Variants in STXBP5L observed in about 807,000 individuals in gnomAD.
STXBP5L encodes syntaxin binding protein 5L, also known as syntaxin-binding protein 5-like.
Under a neutral mutation model 144.5 loss-of-function variants are expected in STXBP5L, and 65 were observed. The ratio of observed to expected loss-of-function variants is 0.45; its 90% CI spans 0.37 to 0.55. The LOEUF (loss-of-function observed/expected upper bound fraction) is 0.55, where lower values mean the gene tolerates loss of function less well. Ranked by LOEUF, STXBP5L falls within the 20% of genes least tolerant of loss-of-function variation. The pLI is 0.00. For synonymous variants in STXBP5L, 505 were observed against 469.6 expected, an observed-to-expected ratio of 1.08 and a Z score of -0.97; for missense variants, 1,298 against 1,405.5, an observed-to-expected ratio of 0.92 and a Z score of 1.22.
intron 19 of STXBP5L, among the ~76,000 whole-genome samples, chr3:121,304,257 T>C (rs1012879447): frequency 6.6e-6 from 1 of 152,114 alleles, no homozygotes; most frequent in African/African-American, 2.4e-5. Flanking sequence ...CTGTCAAAAC[T>C]AGAAATAGAC....
chr3:121,388,640 A>C (rs1488321959), intron 22 of STXBP5L, among the ~76,000 whole-genome samples: 1 of 152,134 alleles, frequency 6.6e-6, no homozygotes, highest in African/African-American at 2.4e-5. Context: ...TTCTGCATCT[A>C]TTGAGATAAC....
intron 3 of STXBP5L, among the ~76,000 whole-genome samples, chr3:121,004,592 A>G (rs892115521): frequency 1.2e-4 from 19 of 152,072 alleles, no homozygotes; most frequent in Non-Finnish European, 2.5e-4. Context: ...ACTATGTTGA[A>G]TAGGAGTGGT....
At chr3:121,305,476 A>G (rs1311973892) in intron 19 of STXBP5L, among the ~76,000 whole-genome samples, 1 of 152,164 alleles carries the variant, frequency 6.6e-6, no homozygotes, top group East Asian at 1.9e-4. Flanking sequence ...ACCAAGGTGG[A>G]TTTATCCCAG....
Position 121,156,560 on chromosome 3 carries a change from C to T in STXBP5L, c.754-944C>T, listed in dbSNP as rs561084972. Among the ~76,000 whole-genome samples, 31 of 151,936 alleles carry T rather than the reference C, an allele frequency of 2.0e-4. No individual in the cohort carries two copies. In the South Asian group the frequency reaches 4.2e-3, roughly 20 times the overall value. On this transcript the variant is annotated intron_variant, in intron 8 of 26. Transcript: ENST00000471454. ...ATGCATATGACATTAATTACTAATT[C>T]AGTCAACAGATATTTATTGAGTACT...
chr3:121,096,596 C>T (rs1394785913), intron 5 of STXBP5L, among the ~76,000 whole-genome samples: 6 of 152,114 alleles, frequency 3.9e-5, no homozygotes, highest in Admixed American at 3.9e-4. Flanking sequence ...AGTCAGGCCC[C>T]TCTGCTGCAG....
At chr3:121,078,695 C>T (rs1211309500) in intron 5 of STXBP5L, among the ~76,000 whole-genome samples, 1 of 152,192 alleles carries the variant, frequency 6.6e-6, no homozygotes, top group Non-Finnish European at 1.5e-5. Flanking sequence ...CTGAGCCCTG[C>T]CCCACAGGGA....
At chr3:120,930,093 C>CTAT (rs1175885302) in intron 2 of STXBP5L, among the ~76,000 whole-genome samples, 4 of 150,196 alleles carry the variant, frequency 2.7e-5, no homozygotes, top group Non-Finnish European at 5.9e-5. Context: ...ATTGTCAAAT[C>CTAT]TATTGACTTA....
At chr3:120,964,949 G>A (rs1320942940) in intron 3 of STXBP5L, among the ~76,000 whole-genome samples, 1 of 152,148 alleles carries the variant, frequency 6.6e-6, no homozygotes, top group African/African-American at 2.4e-5. Context: ...ATGAATCTGG[G>A]TGCTCCTGTT....
chr3:121,320,058 C>T (rs1332034260), intron 20 of STXBP5L, among the ~76,000 whole-genome samples: 2 of 152,148 alleles, frequency 1.3e-5, no homozygotes, highest in South Asian at 2.1e-4. Context: ...TGTCAGTTCA[C>T]ACACAAACAT....
intron 3 of STXBP5L, among the ~76,000 whole-genome samples, chr3:121,006,364 A>G (rs994536378): frequency 6.6e-6 from 1 of 152,020 alleles, no homozygotes; most frequent in Non-Finnish European, 1.5e-5. Context: ...ATCAGAGACT[A>G]GGATTGCAAT....
At chr3:121,132,555 CTG>C (rs2045043286) in intron 7 of STXBP5L, among the ~76,000 whole-genome samples, 4 of 152,250 alleles carry the variant, frequency 2.6e-5, no homozygotes, top group African/African-American at 9.6e-5. Flanking sequence ...TTCAGGAAGA[CTG>C]AGAGAGATGC....
intron 7 of STXBP5L, among the ~76,000 whole-genome samples, chr3:121,151,653 A>T (rs949626300): frequency 6.6e-6 from 1 of 152,170 alleles, no homozygotes; most frequent in African/African-American, 2.4e-5. Flanking sequence ...GAAGAAAATC[A>T]TCTTAAGGCA....
At chr3:120,932,039 G>A (rs183610693) in intron 2 of STXBP5L, among the ~76,000 whole-genome samples, 5 of 152,186 alleles carry the variant, frequency 3.3e-5, no homozygotes, top group African/African-American at 1.2e-4. Flanking sequence ...ATTGCTCCTG[G>A]GTTATAAACC....
At chr3:121,294,607 G>A (rs11716725) in intron 19 of STXBP5L, among the ~76,000 whole-genome samples, 19,969 of 151,402 alleles carry the variant, frequency 0.13, 1,729 homozygotes, top group Non-Finnish European at 0.2. Context: ...GAAGGAGGAA[G>A]CATAGAAGGA....
intron 9 of STXBP5L, among the ~76,000 whole-genome samples, chr3:121,169,636 AG>A (rs1227008555): frequency 6.6e-6 from 1 of 152,240 alleles, no homozygotes; most frequent in Non-Finnish European, 1.5e-5. Context: ...CAATGCAACA[AG>A]AAGAGCTAAC....
At chr3:121,096,002 G>A (rs771757440) in intron 5 of STXBP5L, among the ~76,000 whole-genome samples, 36 of 151,914 alleles carry the variant, frequency 2.4e-4, no homozygotes, top group Non-Finnish European at 3.7e-4. Context: ...GTCTGTCACC[G>A]CTTCTCTGGG....
At chr3:121,157,852 T>A in intron 9 of STXBP5L, 1 of 501,294 alleles carries the variant, frequency 2.0e-6, no homozygotes, top group South Asian at 2.8e-5. Context: ...GCTGTAGTTA[T>A]GTACTGTCCC....
At chr3:121,282,582 C>T (rs2051097294) in intron 19 of STXBP5L, among the ~76,000 whole-genome samples, 2 of 151,954 alleles carry the variant, frequency 1.3e-5, no homozygotes, top group South Asian at 4.1e-4. Context: ...ACCATGCAGA[C>T]CATGTCCTAC....
intron 5 of STXBP5L, among the ~76,000 whole-genome samples, chr3:121,069,740 A>G (rs2041718932): frequency 6.6e-6 from 1 of 152,190 alleles, no homozygotes; most frequent in South Asian, 2.1e-4. Context: ...TACATTTAAA[A>G]TTATAACTCA....
Sources: allele counts gnomAD v4.1 joint callset (sites outside exome capture counted in the v4.1 genomes callset), GRCh38; gene constraint gnomAD v4.1.1; transcripts MANE v1.5; gene names NCBI Gene and HGNC (gene_info 2026-07-23, HGNC 2026-07-21).